Variants in PLCE1 observed in about 807,000 individuals in gnomAD.
The protein encoded by PLCE1 is phospholipase C epsilon 1, also known as 1-phosphatidylinositol 4,5-bisphosphate phosphodiesterase epsilon-1.
PLCE1 carries 119 observed loss-of-function variants against 242.8 expected under a neutral mutation model. That is an observed-to-expected ratio of 0.49 (90% CI 0.42 to 0.57). The LOEUF (loss-of-function observed/expected upper bound fraction) is 0.57. Among genes scored for constraint, PLCE1 ranks in the 20% least tolerant of loss-of-function variants. PLCE1 has a pLI of 0.00. For synonymous variants in PLCE1, 945 were observed against 1,017.4 expected, an observed-to-expected ratio of 0.93 and a Z score of 1.35; for missense variants, 2,441 against 2,788.8, an observed-to-expected ratio of 0.88 and a Z score of 2.81.
chr10:94,182,628 C>T (rs190132489), intron 4 of PLCE1, among the ~76,000 whole-genome samples: 1 of 152,010 alleles, frequency 6.6e-6, no homozygotes, highest in East Asian at 1.9e-4. Context: ...TCTTTCCTTT[C>T]TTTCTGTATT....
At chr10:94,266,860 T>C (rs998606483) in intron 16 of PLCE1, among the ~76,000 whole-genome samples, 1 of 152,256 alleles carries the variant, frequency 6.6e-6, no homozygotes, top group African/African-American at 2.4e-5. Context: ...TTTTAAACTC[T>C]ATTTTCTAAG....
intron 2 of PLCE1, among the ~76,000 whole-genome samples, chr10:94,047,909 A>T (rs929570102): frequency 2.6e-5 from 4 of 152,242 alleles, no homozygotes; most frequent in African/African-American, 9.6e-5. Context: ...AGAACTGTAT[A>T]TTTTAATAAA....
intron 2 of PLCE1, among the ~76,000 whole-genome samples, chr10:94,102,553 G>A (rs1417491644): frequency 6.6e-6 from 1 of 152,182 alleles, no homozygotes; most frequent in African/African-American, 2.4e-5. Context: ...TGTCTTCTTG[G>A]CTTTGCCCAT....
At chr10:94,228,904 G>A (rs953450439) in intron 5 of PLCE1, among the ~76,000 whole-genome samples, 18 of 152,062 alleles carry the variant, frequency 1.2e-4, no homozygotes, top group African/African-American at 3.6e-4. Context: ...CGTGTAGGCC[G>A]GGCACGGTGG....
chr10:94,069,041 G>C (rs924892508), intron 2 of PLCE1, among the ~76,000 whole-genome samples: 2 of 152,186 alleles, frequency 1.3e-5, no homozygotes, highest in Non-Finnish European at 2.9e-5. Context: ...TGAAAGAAAA[G>C]GAATCCTTTA....
rs762259865 is a variant in PLCE1 at position 94,032,231 on chromosome 10, G to C, written c.1185G>C (p.Leu395=). Residue 395 remains leucine (L), a synonymous_variant, in exon 2 of 33, where the codon CTG becomes CTC. Coordinates refer to ENST00000371380, the MANE Select transcript of PLCE1 (RefSeq NM_016341.4). ...VEIRQDGSQR[L]SEAQWYPIYN... The stretch of plus-strand genomic sequence containing the variant: ...TAAGGCAAGATGGGAGCCAACGTCT[G>C]TCAGAAGCCCAGTGGTATCCTGTAA... 6.2e-7 allele frequency: 1 copy of C among 1,613,314 alleles called. No individual in the cohort carries two copies.
rs199588346 is a variant in PLCE1 at position 94,246,167 on chromosome 10, T to G, written c.2642T>G (p.Phe881Cys). Residue 881 changes from phenylalanine (F) to cysteine (C), a missense_variant, in exon 8 of 33, where the codon TTC becomes TGC. Phe to Cys is a radical substitution (Grantham distance 205). This residue lies in a region of PLCE1 where 733 missense variants were observed against 754.2 expected (regional missense o/e 0.97). Coordinates refer to ENST00000371380, the MANE Select transcript of PLCE1 (RefSeq NM_016341.4). Reference sequence around the variant, plus strand: ...GACACACACCTCTCTGCCCGCTGCTTCCTCCAGCTTCAGCCCGACAATAGC... The same window carrying G: ...GACACACACCTCTCTGCCCGCTGCTGCCTCCAGCTTCAGCCCGACAATAGC... ...DQDTHLSARC[F>C]LQLQPDNSTL... 7 of 1,613,970 alleles carry G rather than the reference T, an allele frequency of 4.3e-6. No individual in the cohort carries two copies. The African/African-American group carries it at 8.0e-5, about 18-fold the overall frequency.
intron 14 of PLCE1, among the ~76,000 whole-genome samples, chr10:94,265,214 G>T (rs2051470803): frequency 6.6e-6 from 1 of 152,160 alleles, no homozygotes; most frequent in African/African-American, 2.4e-5. Flanking sequence ...CACCGAAAAT[G>T]CTAAAATTGT....
chr10:94,201,825 C>G (rs1268175772), intron 4 of PLCE1, among the ~76,000 whole-genome samples: 1 of 152,090 alleles, frequency 6.6e-6, no homozygotes, highest in African/African-American at 2.4e-5. Context: ...ATGTGAGTCC[C>G]AAGGGAAACA....
At chr10:94,229,361 A>G (rs76498183) in intron 5 of PLCE1, among the ~76,000 whole-genome samples, 44 of 152,278 alleles carry the variant, frequency 2.9e-4, no homozygotes, top group African/African-American at 9.4e-4. Flanking sequence ...ACCCCACAAC[A>G]TGACTGCCAT....
At chr10:94,211,066 G>T (rs982313606) in intron 4 of PLCE1, among the ~76,000 whole-genome samples, 1 of 152,256 alleles carries the variant, frequency 6.6e-6, no homozygotes, top group African/African-American at 2.4e-5. Context: ...CGTTCAGCCT[G>T]CTGAGAGCTG....
At chr10:94,301,205 G>A (rs1255343106) in intron 24 of PLCE1, among the ~76,000 whole-genome samples, 3 of 150,904 alleles carry the variant, frequency 2.0e-5, no homozygotes, top group African/African-American at 7.3e-5. Flanking sequence ...CTAGCCGGGC[G>A]TGGTAGTGCA....
At chr10:94,088,575 T>C (rs766404773) in intron 2 of PLCE1, among the ~76,000 whole-genome samples, 1 of 152,210 alleles carries the variant, frequency 6.6e-6, no homozygotes, top group Non-Finnish European at 1.5e-5. Flanking sequence ...GGAAGAAAAA[T>C]TGGCCACTGG....
At chr10:94,147,601 C>T (rs931697281) in intron 3 of PLCE1, among the ~76,000 whole-genome samples, 5 of 152,036 alleles carry the variant, frequency 3.3e-5, no homozygotes, top group African/African-American at 4.8e-5. Context: ...ATTGTGACAG[C>T]GGAGGGGGCT....
intron 3 of PLCE1, among the ~76,000 whole-genome samples, chr10:94,168,467 T>C (rs560455367): frequency 5.2e-4 from 79 of 152,270 alleles, no homozygotes; most frequent in African/African-American, 1.9e-3. Context: ...AGCATTCAAT[T>C]TGTGTTCCTT....
chr10:94,044,073 G>A (rs1564643946), intron 2 of PLCE1, among the ~76,000 whole-genome samples: 1 of 152,148 alleles, frequency 6.6e-6, no homozygotes, highest in South Asian at 2.1e-4. Flanking sequence ...TGCTAGTGGT[G>A]GCAAAGAATC....
chr10:94,053,619 T>C (rs2043825243), intron 2 of PLCE1, among the ~76,000 whole-genome samples: 1 of 152,194 alleles, frequency 6.6e-6, no homozygotes, highest in South Asian at 2.1e-4. Context: ...GAAAGGCTTA[T>C]TGAATGCACT....
intron 4 of PLCE1, among the ~76,000 whole-genome samples, chr10:94,203,400 A>G (rs1157430096): frequency 2.0e-5 from 3 of 152,208 alleles, no homozygotes; most frequent in African/African-American, 4.8e-5. Flanking sequence ...AGGAACTTTT[A>G]CTTCATATTC....
rs936666342 is a variant in PLCE1 at position 94,180,189 on chromosome 10, T to C, written c.1809+8693T>C. Among the ~76,000 whole-genome samples the C allele has an allele frequency of 2.0e-5, 3 of 152,152 alleles. No individual in the cohort carries two copies. In the South Asian group the frequency reaches 6.2e-4, roughly 32 times the overall value. ...GAGGGACCTTCTTTCCACCACTCGG[T>C]TCTCTTACTCTAAATGAAACCATTT... On this transcript the variant is annotated intron_variant, in intron 4 of 32. Coordinates refer to ENST00000371380, the MANE Select transcript of PLCE1 (RefSeq NM_016341.4).
Sources: gnomAD v4.1 joint callset for allele counts (sites outside exome capture counted in the v4.1 genomes callset) on GRCh38, gnomAD v4.1.1 for gene constraint, gnomAD v4.1.1 regional missense constraint, MANE v1.5 for transcripts, NCBI Gene and HGNC (gene_info 2026-07-23, HGNC 2026-07-21) for gene names.